Variants in LRRC7 observed in about 807,000 individuals in gnomAD.
LRRC7 encodes leucine rich repeat containing 7.
In LRRC7, 23 loss-of-function variants were observed where a neutral mutation model predicts 175.7. The observed-to-expected ratio is 0.13, with a 90% CI of 0.09 to 0.19. The LOEUF (loss-of-function observed/expected upper bound fraction) is 0.19. Among genes scored for constraint, LRRC7 ranks in the 10% least tolerant of loss-of-function variants. LRRC7 has a pLI of 1.00. For synonymous variants in LRRC7, 685 were observed against 680.9 expected, an observed-to-expected ratio of 1.01 and a Z score of -0.09; for missense variants, 1,354 against 1,904.7, an observed-to-expected ratio of 0.71 and a Z score of 5.38.
intron 7 of LRRC7, among the ~76,000 whole-genome samples, chr1:69,870,841 C>G (rs1685459305): frequency 6.6e-6 from 1 of 152,002 alleles, no homozygotes; most frequent in Admixed American, 6.6e-5. Flanking sequence ...TTTTATTAAG[C>G]CTTTTGAAAC....
At chr1:69,743,713 G>A (rs1668959354) in intron 2 of LRRC7, among the ~76,000 whole-genome samples, 1 of 151,838 alleles carries the variant, frequency 6.6e-6, no homozygotes, top group Admixed American at 6.6e-5. Context: ...AGTAACTTAA[G>A]GTCAGTTTTG....
chr1:69,931,685 A>C, intron 8 of LRRC7, 115 bp downstream of exon 8: 1 of 829,746 alleles, frequency 1.2e-6, no homozygotes, highest in Non-Finnish European at 1.9e-6. Context: ...TGCTAAATGT[A>C]AAAGTAAAAA....
chr1:69,776,725 G>C (rs528708807), intron 3 of LRRC7, among the ~76,000 whole-genome samples: 1 of 151,984 alleles, frequency 6.6e-6, no homozygotes, highest in South Asian at 2.1e-4. Context: ...GGGTGTGTGT[G>C]TGGGTGGGTG....
chr1:69,905,103 T>C (rs1256668417), intron 7 of LRRC7, among the ~76,000 whole-genome samples: 1 of 152,154 alleles, frequency 6.6e-6, no homozygotes, highest in Non-Finnish European at 1.5e-5. Context: ...GTTGATTCCA[T>C]GTCTAATTCC....
rs1441653427 is a variant in LRRC7 at position 70,039,316 on chromosome 1, C to T, written c.3492C>T (p.Ala1164=). The T allele has an allele frequency of 6.2e-7, 1 of 1,614,014 alleles. No homozygotes were observed. The highest frequency in any genetic ancestry group is 1.7e-5 in the Admixed American group (1 of 60,014). The part of the protein sequence containing the change: ...ADSLVSATEM[A]MFRRVNEPHE... ...CCCTGGTGAGCGCCACAGAAATGGC[C>T]ATGTTTAGAAGGGTCAATGAGCCTC... The change falls in exon 21 of 27, where the codon GCC becomes GCT. Residue 1164 remains alanine (A), a synonymous_variant. Transcript: ENST00000651989.
At chr1:69,756,693 AAAAT>A (rs1423726884) in intron 2 of LRRC7, among the ~76,000 whole-genome samples, 1 of 151,944 alleles carries the variant, frequency 6.6e-6, no homozygotes, top group Non-Finnish European at 1.5e-5. Context: ...ATCAAAAAGG[AAAAT>A]AAATCCTTTT....
At chr1:69,656,194 T>G (rs1021843147) in intron 1 of LRRC7, among the ~76,000 whole-genome samples, 1 of 152,036 alleles carries the variant, frequency 6.6e-6, no homozygotes, top group Non-Finnish European at 1.5e-5. Context: ...CCCAGTACCA[T>G]AATCACCAAG....
intron 24 of LRRC7, 32 bp from the exon 25 acceptor site, chr1:70,089,694 GT>G: frequency 7.2e-7 from 1 of 1,392,434 alleles, no homozygotes; most frequent in Non-Finnish European, 1.0e-6. Context: ...TTTGATAACT[GT>G]TTACTTACCA....
chr1:70,053,659 G>A (rs1037162858), intron 23 of LRRC7, among the ~76,000 whole-genome samples: 1 of 151,902 alleles, frequency 6.6e-6, no homozygotes, highest in Non-Finnish European at 1.5e-5. Context: ...AAGGTGTGCT[G>A]AGTGATAAGT....
intron 8 of LRRC7, among the ~76,000 whole-genome samples, chr1:69,937,389 A>G (rs141646421): frequency 1.7e-4 from 26 of 152,176 alleles, no homozygotes; most frequent in Non-Finnish European, 2.6e-4. Flanking sequence ...ACTAAATTCT[A>G]TGGGCTGTTT....
chr1:70,076,054 C>T, intron 23 of LRRC7, 23 bp from the exon 24 acceptor site: 2 of 1,611,464 alleles, frequency 1.2e-6, no homozygotes, highest in Non-Finnish European at 1.7e-6. Flanking sequence ...GAATCTTTGC[C>T]TGACAGATTA....
chr1:69,769,966 A>T (rs1672041994), intron 3 of LRRC7, among the ~76,000 whole-genome samples: 1 of 152,180 alleles, frequency 6.6e-6, no homozygotes, highest in Admixed American at 6.6e-5. Flanking sequence ...GGCTCATAGA[A>T]CTAATAGGGG....
rs1666316465 is a variant in LRRC7, at chr1:70,123,729, C to T, written c.*1842C>T. On this transcript the variant is annotated 3_prime_UTR_variant, in exon 27 of 27. Transcript: ENST00000651989. ...TCAGATGAGAAATGTCTTTCAGAGACTAATTTTCTTTGTTGAAAACTCATG... is the reference window on the plus strand; with the variant it reads ...TCAGATGAGAAATGTCTTTCAGAGATTAATTTTCTTTGTTGAAAACTCATG... Among the ~76,000 whole-genome samples, 2 of 152,104 alleles carry T rather than the reference C, an allele frequency of 1.3e-5. No individual in the cohort carries two copies. Among genetic ancestry groups the T allele is most frequent in the African/African-American group, 4.8e-5 (2 of 41,438 alleles).
At chr1:69,843,538 T>A (rs1681979503) in intron 7 of LRRC7, among the ~76,000 whole-genome samples, 1 of 152,132 alleles carries the variant, frequency 6.6e-6, no homozygotes, top group African/African-American at 2.4e-5. Context: ...GTAAATGGTG[T>A]ATCTATTATT....
chr1:69,908,822 C>A (rs2101692994), intron 7 of LRRC7, among the ~76,000 whole-genome samples: 1 of 145,090 alleles, frequency 6.9e-6, no homozygotes, highest in South Asian at 2.3e-4. Context: ...TCCTGGGTAT[C>A]CTTGTTAACT....
intron 5 of LRRC7, among the ~76,000 whole-genome samples, chr1:69,833,633 G>A (rs1680777597): frequency 1.3e-5 from 2 of 152,062 alleles, no homozygotes; most frequent in South Asian, 2.1e-4. Flanking sequence ...CAGATATAAT[G>A]TCCCAGGAGA....
At chr1:69,712,904 T>C (rs1664932956) in intron 2 of LRRC7, among the ~76,000 whole-genome samples, 1 of 152,166 alleles carries the variant, frequency 6.6e-6, no homozygotes. Flanking sequence ...TATGCATACT[T>C]TAAATAATAA....
At chr1:69,889,345 A>AT (rs1388243169) in intron 7 of LRRC7, among the ~76,000 whole-genome samples, 7 of 152,348 alleles carry the variant, frequency 4.6e-5, no homozygotes, top group South Asian at 2.1e-4. Context: ...GTAGCATGTG[A>AT]TGCTATTTGA....
chr1:69,970,075 G>A (rs562180302), intron 8 of LRRC7, among the ~76,000 whole-genome samples: 12 of 152,042 alleles, frequency 7.9e-5, no homozygotes, highest in Middle Eastern at 3.4e-3. Flanking sequence ...AAAATTCTTC[G>A]AACTGAACAA....
Sources: allele counts gnomAD v4.1 joint callset (sites outside exome capture counted in the v4.1 genomes callset), GRCh38; gene constraint gnomAD v4.1.1; transcripts MANE v1.5; gene names NCBI Gene and HGNC (gene_info 2026-07-23, HGNC 2026-07-21).